The following DNAH9 variants were observed in gnomAD, a reference collection of about 807,000 sequenced individuals.
The protein encoded by DNAH9 is DNAH9 variant protein.
DNAH9 carries 345 observed loss-of-function variants against 471.6 expected under a neutral mutation model. That is an observed-to-expected ratio of 0.73 (90% CI 0.67 to 0.80). The LOEUF is 0.80. Among genes scored for constraint, DNAH9 ranks in the 30% least tolerant of loss-of-function variants. DNAH9 has a pLI of 0.00. For synonymous variants in DNAH9, 2,093 were observed against 2,123.6 expected, an observed-to-expected ratio of 0.99 and a Z score of 0.40; for missense variants, 5,407 against 5,609.2, an observed-to-expected ratio of 0.96 and a Z score of 1.15.
intron 58 of DNAH9, among the ~76,000 whole-genome samples, chr17:11,893,057 G>A (rs937800039): frequency 1.3e-5 from 2 of 151,590 alleles, no homozygotes; most frequent in Non-Finnish European, 2.9e-5. Flanking sequence ...ATCATCACTT[G>A]TGTGCTGACT....
chr17:11,726,774 C>G (rs1296045836), intron 27 of DNAH9, among the ~76,000 whole-genome samples: 2 of 152,112 alleles, frequency 1.3e-5, no homozygotes, highest in Non-Finnish European at 1.5e-5. Context: ...GAAGGCTGGG[C>G]ATGGTGGCTT....
At chr17:11,934,135 C>G in intron 65 of DNAH9, 64 bp downstream of exon 65, 1 of 1,528,698 alleles carries the variant, frequency 6.5e-7, no homozygotes, top group African/African-American at 1.4e-5. Flanking sequence ...GTATTCCTCC[C>G]ACGCCGACCT....
intron 28 of DNAH9, among the ~76,000 whole-genome samples, chr17:11,736,088 G>T (rs994290711): frequency 2.0e-5 from 3 of 151,958 alleles, no homozygotes; most frequent in African/African-American, 7.3e-5. Flanking sequence ...CTCACTTTTA[G>T]CCTCCCCTTA....
chr17:11,890,576 A>T (rs1048958550), intron 57 of DNAH9, among the ~76,000 whole-genome samples: 1 of 152,228 alleles, frequency 6.6e-6, no homozygotes, highest in Non-Finnish European at 1.5e-5. Context: ...TTGAAGCCAC[A>T]AAAGGAAAAT....
At chr17:11,913,019 C>T (rs1973837739) in intron 61 of DNAH9, among the ~76,000 whole-genome samples, 1 of 152,006 alleles carries the variant, frequency 6.6e-6, no homozygotes, top group Admixed American at 6.6e-5. Context: ...AACACAAAAA[C>T]TAGCCGGGCA....
chr17:11,807,859 A>G lies in DNAH9; in HGVS notation c.8548A>G (p.Thr2850Ala). ...FISSMDVFQI[T>A]LRKGYQIQDF... Reference sequence around the variant, plus strand: ...CAGCTCCATGGATGTCTTCCAGATCACACTGCGCAAAGGCTACCAGATCCA... The same window carrying G: ...CAGCTCCATGGATGTCTTCCAGATCGCACTGCGCAAAGGCTACCAGATCCA... The change falls in exon 44 of 69, where the codon ACA (threonine) becomes GCA (alanine). Residue 2850 changes from threonine (T) to alanine (A), a missense_variant. Around this residue, in one of 3 missense-constraint regions of DNAH9, gnomAD observed 4,636 missense variants for 4,900.3 expected, o/e 0.95. Transcript: ENST00000262442. 6.2e-7 allele frequency: 1 copy of G among 1,613,632 alleles called. No homozygotes were observed. The highest frequency in any genetic ancestry group is 8.5e-7 in the Non-Finnish European group (1 of 1,179,604).
At chr17:11,952,905 G>T (rs114004993) in intron 67 of DNAH9, among the ~76,000 whole-genome samples, 1 of 152,010 alleles carries the variant, frequency 6.6e-6, no homozygotes, top group East Asian at 1.9e-4. Context: ...CTCAAGCACC[G>T]GCAAATTTGG....
At chr17:11,619,951 T>G (rs1163253576) in intron 6 of DNAH9, 170 bp downstream of exon 6, 2 of 596,752 alleles carry the variant, frequency 3.4e-6, no homozygotes, top group African/African-American at 3.7e-5. Flanking sequence ...CTCATGCCTG[T>G]AATCCCACTA....
chr17:11,816,458 TA>T (rs1307966777), intron 45 of DNAH9, among the ~76,000 whole-genome samples: 19 of 152,344 alleles, frequency 1.2e-4, no homozygotes, highest in African/African-American at 4.3e-4. Flanking sequence ...TAAATACTAC[TA>T]TTGGACATGT....
intron 35 of DNAH9, among the ~76,000 whole-genome samples, chr17:11,758,203 C>G (rs1162777245): frequency 6.6e-6 from 1 of 152,180 alleles, no homozygotes; most frequent in Non-Finnish European, 1.5e-5. Flanking sequence ...GGTGAGTTTA[C>G]TTTTCCTCTT....
At chr17:11,818,799 G>A (rs1970201560) in intron 45 of DNAH9, among the ~76,000 whole-genome samples, 1 of 151,802 alleles carries the variant, frequency 6.6e-6, no homozygotes, top group Non-Finnish European at 1.5e-5. Flanking sequence ...ACCTCCCTCA[G>A]TCTCATCTTT....
intron 28 of DNAH9, among the ~76,000 whole-genome samples, chr17:11,733,860 C>CAAAAAAA (rs57515310): frequency 4.4e-5 from 5 of 113,134 alleles, no homozygotes; most frequent in South Asian, 5.8e-4. Flanking sequence ...GACTCCATCT[C>CAAAAAAA]AAAAAAAAAA....
intron 67 of DNAH9, among the ~76,000 whole-genome samples, chr17:11,959,820 T>G (rs1342025370): frequency 6.6e-6 from 1 of 152,198 alleles, no homozygotes; most frequent in Non-Finnish European, 1.5e-5. Flanking sequence ...ATGAAATCTA[T>G]TTTCTATCCC....
At chr17:11,786,074 A>G (rs1322636445) in intron 41 of DNAH9, among the ~76,000 whole-genome samples, 1 of 100,228 alleles carries the variant, frequency 1.0e-5, no homozygotes, top group Non-Finnish European at 2.0e-5. Context: ...TACTAGGTGG[A>G]TTTTTCAAAT....
intron 27 of DNAH9, chr17:11,723,486 C>T (rs2075097277): frequency 6.6e-6 from 1 of 151,918 alleles, no homozygotes; most frequent in African/African-American, 2.4e-5. Context: ...GAGCTAAACA[C>T]ATGGGTTACT....
At chr17:11,728,128 C>T (rs113830864) in intron 28 of DNAH9, 5 of 556,108 alleles carry the variant, frequency 9.0e-6, no homozygotes, top group African/African-American at 3.8e-5. Flanking sequence ...AAAGTAGAAC[C>T]ATTTACTGGC....
chr17:11,642,209 C>T (rs753740654), intron 10 of DNAH9, among the ~76,000 whole-genome samples: 3 of 152,090 alleles, frequency 2.0e-5, no homozygotes, highest in Non-Finnish European at 2.9e-5. Flanking sequence ...CTATAATTCC[C>T]GTGAAAACTC....
At chr17:11,708,053 A>AGAGAGAGAGAGAGAGAGC (rs1212348509) in intron 26 of DNAH9, among the ~76,000 whole-genome samples, 1 of 147,874 alleles carries the variant, frequency 6.8e-6, no homozygotes, top group East Asian at 2.1e-4. Context: ...AGAGAGAGAG[A>AGAGAGAGAGAGAGAGAGC]GAGCAGGTAA....
chr17:11,707,611 C>CTCT (rs148995052), intron 26 of DNAH9, among the ~76,000 whole-genome samples: 9,099 of 152,158 alleles, frequency 0.06, 894 homozygotes, highest in African/African-American at 0.21. Flanking sequence ...AACTGCTTCC[C>CTCT]TCTTACTCTG....
Sources: gnomAD v4.1 joint callset for allele counts (sites outside exome capture counted in the v4.1 genomes callset) on GRCh38, gnomAD v4.1.1 for gene constraint, gnomAD v4.1.1 regional missense constraint, MANE v1.5 for transcripts, NCBI Gene and HGNC (gene_info 2026-07-23, HGNC 2026-07-21) for gene names.